The following TMEM232 variants were observed in gnomAD, a reference collection of about 807,000 sequenced individuals.
TMEM232 encodes transmembrane protein 232.
TMEM232 carries 80 observed loss-of-function variants against 78.8 expected under a neutral mutation model. The observed-to-expected ratio is 1.01, with a 90% CI of 0.85 to 1.22. The LOEUF is 1.22. TMEM232 is among the 50% of genes most tolerant of loss of function. TMEM232 has a pLI of 0.00. For missense variants in TMEM232, 881 were observed against 742.2 expected, an observed-to-expected ratio of 1.19 and a Z score of -2.17; for synonymous variants, 297 against 254.3, an observed-to-expected ratio of 1.17 and a Z score of -1.60.
At chr5:110,464,667 T>C (rs888099721) in intron 12 of TMEM232, among the ~76,000 whole-genome samples, 2 of 152,186 alleles carry the variant, frequency 1.3e-5, no homozygotes, top group Non-Finnish European at 2.9e-5. Context: ...ACTAAGTTTA[T>C]GGGAAAAGCT....
In TMEM232 at chr5:110,479,515, G is replaced by A. The variant is rs1330834386; in HGVS notation, c.1703+49073C>T. Among the ~76,000 whole-genome samples, 3 of 151,598 alleles carry A rather than the reference G, an allele frequency of 2.0e-5. No individual in the cohort carries two copies. In the East Asian group the frequency reaches 5.8e-4, roughly 29 times the overall value. ...ATAACACTAGAGATTACCTGTGATG[G>A]TTTTTTAACTTTATACAAACTGTAT... On this transcript the variant is annotated intron_variant, in intron 12 of 13. Transcript: ENST00000455884.
At chr5:110,488,082 A>G (rs1764661648) in intron 12 of TMEM232, among the ~76,000 whole-genome samples, 1 of 151,832 alleles carries the variant, frequency 6.6e-6, no homozygotes, top group Non-Finnish European at 1.5e-5. Flanking sequence ...TTAAGCTAGG[A>G]GGGTTGTATT....
intron 12 of TMEM232, among the ~76,000 whole-genome samples, chr5:110,481,565 GGAAAAAA>G (rs1297491782): frequency 6.6e-6 from 1 of 151,874 alleles, no homozygotes; most frequent in Non-Finnish European, 1.5e-5. Context: ...TATCAAAGCT[GGAAAAAA>G]GAGGTAGTGC....
intron 1 of TMEM232, among the ~76,000 whole-genome samples, chr5:110,704,158 A>G (rs532554939): frequency 6.6e-6 from 1 of 152,230 alleles, no homozygotes; most frequent in East Asian, 1.9e-4. Context: ...GGTCTTAAGT[A>G]TCATGATCAC....
At chr5:110,432,535 C>T (rs1757971834) in intron 12 of TMEM232, among the ~76,000 whole-genome samples, 1 of 151,626 alleles carries the variant, frequency 6.6e-6, no homozygotes, top group Non-Finnish European at 1.5e-5. Context: ...CACATGCAAG[C>T]ACACAACCCA....
At chr5:110,598,953 T>G (rs1198206638) in intron 10 of TMEM232, among the ~76,000 whole-genome samples, 19 of 151,364 alleles carry the variant, frequency 1.3e-4, no homozygotes, top group Admixed American at 1.3e-3. Context: ...ATGGCACATG[T>G]ATACATATGT....
chr5:110,420,737 A>T lies in TMEM232; in HGVS notation c.1817T>A (p.Ile606Asn), dbSNP rs533058323. Residue 606 changes from isoleucine (I) to asparagine (N), a missense_variant, in exon 14 of 14, where the codon ATC (isoleucine) becomes AAC (asparagine). Physicochemically the swap from Ile to Asn is moderately radical, Grantham distance 149. Transcript: ENST00000455884. The stretch of plus-strand genomic sequence containing the variant: ...GCATATTGCATCTTCTTTTTCTCGG[A>T]TCTTTAGCTCTTCCTGCCACTGTTA... ...IDHHWQEELK[I>N]REKEDAICKA... 1.1e-5 allele frequency: 17 copies of T among 1,521,452 alleles called. No individual in the cohort carries two copies. The South Asian group carries it at 1.5e-4, about 13-fold the overall frequency. The allele number at this position is 1,521,452 out of a possible 1,614,324, so 94.2% of individuals were successfully genotyped here.
intron 1 of TMEM232, among the ~76,000 whole-genome samples, chr5:110,690,948 G>A (rs1437359780): frequency 6.6e-6 from 1 of 152,052 alleles, no homozygotes; most frequent in African/African-American, 2.4e-5. Flanking sequence ...CATAGGGAGG[G>A]GAACGTCAAA....
At chr5:110,655,678 T>G (rs1036428666) in intron 2 of TMEM232, among the ~76,000 whole-genome samples, 2 of 150,684 alleles carry the variant, frequency 1.3e-5, no homozygotes, top group African/African-American at 4.9e-5. Flanking sequence ...AATGATAGAT[T>G]GGATTAAGAA....
intron 12 of TMEM232, among the ~76,000 whole-genome samples, chr5:110,466,056 A>G (rs1217247339): frequency 1.3e-5 from 2 of 152,186 alleles, no homozygotes; most frequent in African/African-American, 4.8e-5. Context: ...TGATTATGTA[A>G]ATTAGAAATC....
chr5:110,586,685 C>T (rs1778856363), intron 10 of TMEM232, among the ~76,000 whole-genome samples: 2 of 151,860 alleles, frequency 1.3e-5, no homozygotes, highest in South Asian at 4.1e-4. Flanking sequence ...CCCAGAGCTG[C>T]TTAGCAATGC....
chr5:110,556,196 G>A (rs1306621044), intron 11 of TMEM232, among the ~76,000 whole-genome samples: 2 of 152,068 alleles, frequency 1.3e-5, no homozygotes, highest in African/African-American at 4.8e-5. Flanking sequence ...AATTCCCTTA[G>A]TATTCGCTTG....
At chr5:110,617,560 T>TA (rs1244350472) in intron 8 of TMEM232, among the ~76,000 whole-genome samples, 5 of 152,262 alleles carry the variant, frequency 3.3e-5, no homozygotes, top group South Asian at 4.1e-4. Flanking sequence ...TCTGTCAATT[T>TA]AAAAAATCTT....
At chr5:110,459,167 T>G (rs1221875903) in intron 12 of TMEM232, among the ~76,000 whole-genome samples, 1 of 152,214 alleles carries the variant, frequency 6.6e-6, no homozygotes. Context: ...TTACATTTTA[T>G]GCTATTACCT....
intron 7 of TMEM232, among the ~76,000 whole-genome samples, chr5:110,620,776 G>A (rs1362357698): frequency 6.6e-6 from 1 of 150,660 alleles, no homozygotes; most frequent in Non-Finnish European, 1.5e-5. Context: ...TCATCAAGAG[G>A]AAAGGAACCT....
intron 12 of TMEM232, among the ~76,000 whole-genome samples, chr5:110,468,673 T>C (rs1479902803): frequency 6.6e-6 from 1 of 152,120 alleles, no homozygotes; most frequent in Admixed American, 6.5e-5. Context: ...AATTTACCAG[T>C]TTAATAAAAT....
In TMEM232 at chr5:110,625,439, G is replaced by A. The variant is rs1450432020; in HGVS notation, c.602-6C>T. 1.3e-6 allele frequency: 2 copies of A among 1,499,556 alleles called. No homozygotes were observed. Among genetic ancestry groups the A allele is most frequent in the Admixed American group, 2.3e-5 (1 of 43,438 alleles). The allele number at this position is 1,499,556 out of a possible 1,614,324, so 92.9% of individuals were successfully genotyped here. Reference sequence around the variant, plus strand: ...TGCTCCAGAGAAAGAAAGTGCTATTGTAAGAAAAATCATCTGTGAGAAATA... The same window carrying A: ...TGCTCCAGAGAAAGAAAGTGCTATTATAAGAAAAATCATCTGTGAGAAATA... On this transcript the variant is annotated splice_polypyrimidine_tract_variant and splice_region_variant and intron_variant, in intron 6 of 13. Transcript: ENST00000455884.
rs567841413 is a variant in TMEM232, at chr5:110,655,779, G to C, written c.125+11449C>G. ...TAGGGACATGGATGAAATTGGAAAT[G>C]ATCATTCTCAGTAAACTATCGCAAG... On this transcript the variant is annotated intron_variant, in intron 2 of 13. Transcript: ENST00000455884. Among the ~76,000 whole-genome samples, 11 of 151,688 alleles carry C rather than the reference G, an allele frequency of 7.3e-5. No homozygotes were observed. The East Asian group carries it at 2.1e-3, about 29-fold the overall frequency.
At chr5:110,388,855 T>A (rs1755076204) in intron 4 of TMEM232, among the ~76,000 whole-genome samples, 1 of 152,146 alleles carries the variant, frequency 6.6e-6, no homozygotes, top group Non-Finnish European at 1.5e-5. Context: ...GCAGGAAAGA[T>A]GAGCAAGGTA....
Sources: gnomAD v4.1 joint callset for allele counts (sites outside exome capture counted in the v4.1 genomes callset) on GRCh38, gnomAD v4.1.1 for gene constraint, MANE v1.5 for transcripts, NCBI Gene and HGNC (gene_info 2026-07-23, HGNC 2026-07-21) for gene names.